The following CTAGE1 variants were observed in gnomAD, a reference collection of about 807,000 sequenced individuals.
CTAGE1 encodes the protein cutaneous T cell lymphoma-associated antigen 1.
For missense variants in CTAGE1, 963 were observed against 855.9 expected (o/e 1.13, Z -1.56); for synonymous variants, 332 against 302.8 (o/e 1.10, Z -1.00).
In CTAGE1 at chr18:22,416,326, G is replaced by T; in HGVS notation, c.1486C>A (p.Pro496Thr). 1 of 1,613,978 alleles carries T rather than the reference G, an allele frequency of 6.2e-7. No homozygotes were observed. Among genetic ancestry groups the T allele is most frequent in the Non-Finnish European group, 8.5e-7 (1 of 1,179,864 alleles). ...AGAGAAGCTCTCGTTTCAGATGAAG[G>T]CCAACCCAATGGTGAGGGACCATAT... The part of the protein sequence containing the change: ...SPYGPSPLGW[P>T]SSETRASLYP... Residue 496 changes from proline to threonine, a missense_variant, in exon 1 of 1, where the codon CCT (proline) becomes ACT (threonine). By Grantham distance (38) the Pro-to-Thr change is conservative. Transcript: ENST00000391403.
chr18:22,415,589 T>C lies in CTAGE1; in HGVS notation c.2223A>G (p.Pro741=). The change falls in exon 1 of 1, where the codon CCA becomes CCG. Residue 741 remains proline, a synonymous_variant. Transcript: ENST00000391403. ...CATTCTACCTTCAGAATGTGGGGGC[T>C]GGGGGGAAAAATGCAGGTCTTGGGG... The part of the protein sequence containing the change: ...YRPPRPAFFP[P]APTF 1 of 1,599,846 alleles carries C rather than the reference T, an allele frequency of 6.3e-7. No homozygotes were observed. The highest frequency in any genetic ancestry group is 8.5e-7 in the Non-Finnish European group (1 of 1,172,916).
At position 22,417,540 on chromosome 18, in the gene CTAGE1, G is replaced by T; in HGVS notation, c.272C>A (p.Ala91Glu). 1 of 1,613,916 alleles carries T rather than the reference G, an allele frequency of 6.2e-7. No individual in the cohort carries two copies. Among genetic ancestry groups the T allele is most frequent in the East Asian group, 2.2e-5 (1 of 44,886 alleles). The change falls in exon 1 of 1, where the codon GCA (alanine) becomes GAA (glutamate). Residue 91 changes from alanine to glutamate, a missense_variant. Physicochemically the swap from Ala to Glu is moderately radical, Grantham distance 107. Transcript: ENST00000391403. ...SLKNASFEKE[A>E]TEAQSLEATC... ...TGCCTCCAAACTTTGTGCTTCTGTT[G>T]CCTCCTTCTCAAAGCTGGCATTCTT...
rs199824409 is a variant in CTAGE1 at position 22,417,560 on chromosome 18, A to C, written c.252T>G (p.Asn84Lys). Residue 84 changes from asparagine to lysine, a missense_variant, in exon 1 of 1, where the codon AAT becomes AAG. By Grantham distance (94) the Asn-to-Lys change is moderately conservative (BLOSUM62 0). Transcript: ENST00000391403. ...EGYEVESSLK[N>K]ASFEKEATEA... is the part of the protein sequence containing the mutation. ...CTGTTGCCTCCTTCTCAAAGCTGGC[A>C]TTCTTTAAAGATGACTCTACTTCAT... is the stretch of plus-strand genomic sequence containing the variant. 6.2e-7 allele frequency: 1 copy of C among 1,613,992 alleles called. No individual in the cohort carries two copies. The highest frequency in any genetic ancestry group is 1.1e-5 in the South Asian group (1 of 91,072).
chr18:22,413,990 A>G lies in CTAGE1; in HGVS notation c.*1584T>C, dbSNP rs1052499802. 7 of 152,254 alleles carry G rather than the reference A, an allele frequency of 4.6e-5. No homozygotes were observed. The highest frequency in any genetic ancestry group is 1.7e-4 in the African/African-American group (7 of 41,464). The allele number at this position is 152,254 out of a possible 1,614,324, so 9.4% of individuals were successfully genotyped here. ...AGAAAGAGTTCTGTGGATATGATAC[A>G]TAGACAGAAATCCAGAAAAATCTCC... On this transcript the variant is annotated 3_prime_UTR_variant, in exon 1 of 1. Coordinates refer to ENST00000391403, the MANE Select transcript of CTAGE1 (RefSeq NM_172241.3).
chr18:22,416,104 G>A lies in CTAGE1; in HGVS notation c.1708C>T (p.Gln570Ter), dbSNP rs746815692. Reference protein sequence around the residue: ...DAGPLAPPWEQDYRMMFPPPG... With the variant: ...DAGPLAPPWE ...GGAGGAAACATCATCCTATAGTCCT[G>A]TTCCCACGGAGGTGCCAGGGGCCCA... The change falls in exon 1 of 1, where the codon CAG becomes TAG. Residue 570 changes from glutamine to a stop codon, truncating the protein, a stop_gained. Transcript: ENST00000391403. LOFTEE classifies it low-confidence loss of function (END_TRUNC). 6 of 1,613,956 alleles carry A rather than the reference G, an allele frequency of 3.7e-6. No homozygotes were observed. The highest frequency in any genetic ancestry group is 1.3e-5 in the African/African-American group (1 of 75,036).
rs372815739 is a variant in CTAGE1 at position 22,417,343 on chromosome 18, C to T, written c.469G>A (p.Val157Ile). Residue 157 changes from valine to isoleucine, a missense_variant, in exon 1 of 1, where the codon GTA (valine) becomes ATA (isoleucine). Val to Ile is a conservative substitution (Grantham distance 29). Coordinates refer to ENST00000391403, the MANE Select transcript of CTAGE1 (RefSeq NM_172241.3). ...EDESKSLKSQ[V>I]AEAKMTFKRF... ...TTGAAGGTCATTTTGGCTTCAGCTA[C>T]TTGTGATTTGAGGGATTTTGACTCA... 12 of 1,613,832 alleles carry T rather than the reference C, an allele frequency of 7.4e-6. No individual in the cohort carries two copies. Among genetic ancestry groups the T allele is most frequent in the Non-Finnish European group, 1.0e-5 (12 of 1,179,872 alleles).
rs1443707944 is a variant in CTAGE1, at chr18:22,416,696, T to C, written c.1116A>G (p.Val372=). 9 of 1,613,662 alleles carry C rather than the reference T, an allele frequency of 5.6e-6. No individual in the cohort carries two copies. The highest frequency in any genetic ancestry group is 2.2e-5 in the South Asian group (2 of 90,856). Residue 372 remains valine, a synonymous_variant, in exon 1 of 1, where the codon GTA becomes GTG. Coordinates refer to ENST00000391403, the MANE Select transcript of CTAGE1 (RefSeq NM_172241.3). ...CTTTCTCTAACCGGCATTTTTCCTCTACTATTAATTTCCTGTAGAGTTTCA... is the reference window on the plus strand; with the variant it reads ...CTTTCTCTAACCGGCATTTTTCCTCCACTATTAATTTCCTGTAGAGTTTCA... ...NEMKLYRKLI[V]EEKCRLEKEE...
In CTAGE1 at chr18:22,417,495, C is replaced by G; in HGVS notation, c.317G>C (p.Arg106Thr). ...TTCATGCACAAGTTCAGAATTGAAC[C>G]TGTTCAGCTTTTCGCAGGTTGCCTC... ...SLEATCEKLNRFNSELVHEIL... is the reference protein window; with the variant it reads ...SLEATCEKLNTFNSELVHEIL... The change falls in exon 1 of 1, where the codon AGG becomes ACG. Residue 106 changes from arginine to threonine, a missense_variant. Transcript: ENST00000391403. 4 of 1,613,986 alleles carry G rather than the reference C, an allele frequency of 2.5e-6. No homozygotes were observed. The highest frequency in any genetic ancestry group is 2.2e-5 in the East Asian group (1 of 44,888).
At position 22,414,686 on chromosome 18, in the gene CTAGE1, C is replaced by T. The variant is rs1354389847; in HGVS notation, c.*888G>A. 6 of 702,906 alleles carry T rather than the reference C, an allele frequency of 8.5e-6. No homozygotes were observed. Among genetic ancestry groups the T allele is most frequent in the Non-Finnish European group, 1.6e-5 (6 of 384,960 alleles). 43.5% of individuals were successfully genotyped at this position (702,906 alleles called of 1,614,324 possible). A position where few individuals can be genotyped will look rare whatever the true frequency, so the allele number is the denominator to read the frequency against. On this transcript the variant is annotated 3_prime_UTR_variant, in exon 1 of 1. Coordinates refer to ENST00000391403, the MANE Select transcript of CTAGE1 (RefSeq NM_172241.3). The stretch of plus-strand genomic sequence containing the variant: ...AGCAAGAGAAAAGCAGAACATAAAA[C>T]TAAAACTATTAGAACACCAACAGAG...
At position 22,417,343 on chromosome 18, in the gene CTAGE1, CTTGTGAT is replaced by C. The variant is rs1445896672; in HGVS notation, c.462_468del (p.Ser155Ter). ...TTGAAGGTCATTTTGGCTTCAGCTA[CTTGTGAT>C]TTGAGGGATTTTGACTCATCTTCTA... On this transcript the variant is annotated frameshift_variant, in exon 1 of 1. Coordinates refer to ENST00000391403, the MANE Select transcript of CTAGE1 (RefSeq NM_172241.3). LOFTEE classifies it low-confidence loss of function (END_TRUNC). 27 of 1,613,832 alleles carry C rather than the reference CTTGTGAT, an allele frequency of 1.7e-5. No individual in the cohort carries two copies. Among genetic ancestry groups the C allele is most frequent in the Non-Finnish European group, 2.1e-5 (25 of 1,179,872 alleles).
chr18:22,416,570 A>C lies in CTAGE1; in HGVS notation c.1242T>G (p.Thr414=). 1 of 1,610,244 alleles carries C rather than the reference A, an allele frequency of 6.2e-7. No homozygotes were observed. Among genetic ancestry groups the C allele is most frequent in the Non-Finnish European group, 8.5e-7 (1 of 1,179,274 alleles). The change falls in exon 1 of 1, where the codon ACT becomes ACG. Residue 414 remains threonine (T), a synonymous_variant. Coordinates refer to ENST00000391403, the MANE Select transcript of CTAGE1 (RefSeq NM_172241.3). ...RAKDLKEFEK[T]IHFYQKKIIL... Reference sequence around the variant, plus strand: ...TAATCTTCTTTTGATAAAAATGAATAGTTTTCTCAAATTCTTTAAGATCTT... The same window carrying C: ...TAATCTTCTTTTGATAAAAATGAATCGTTTTCTCAAATTCTTTAAGATCTT...
rs187253390 is a variant in CTAGE1 at position 22,417,283 on chromosome 18, C to G, written c.529G>C (p.Glu177Gln). The G allele has an allele frequency of 6.2e-7, 1 of 1,613,938 alleles. No homozygotes were observed. Among genetic ancestry groups the G allele is most frequent in the Non-Finnish European group, 8.5e-7 (1 of 1,179,854 alleles). Residue 177 changes from glutamate (E) to glutamine (Q), a missense_variant, in exon 1 of 1, where the codon GAA becomes CAA. Physicochemically the swap from Glu to Gln is conservative, Grantham distance 29 (BLOSUM62 2). Coordinates refer to ENST00000391403, the MANE Select transcript of CTAGE1 (RefSeq NM_172241.3). ...FQANEERLEI[E>Q]IQDAWKENSE... The stretch of plus-strand genomic sequence containing the variant: ...TTTTCTTTCCAAGCATCTTGTATTT[C>G]TATCTCCAACCGTTCTTCATTCGCT...
chr18:22,414,999 A>G lies in CTAGE1; in HGVS notation c.*575T>C, dbSNP rs1598489614. 1.7e-6 allele frequency: 1 copy of G among 575,332 alleles called. No homozygotes were observed. Among genetic ancestry groups the G allele is most frequent in the East Asian group, 2.8e-5 (1 of 35,534 alleles). 35.6% of individuals were successfully genotyped at this position (575,332 alleles called of 1,614,324 possible). On this transcript the variant is annotated 3_prime_UTR_variant, in exon 1 of 1. Transcript: ENST00000391403. ...ACTGAAAGAGGATATAAAATCTATA[A>G]GACAGGAGATCCAAGATCATCTTGG...
In CTAGE1 at chr18:22,415,866, A is replaced by C; in HGVS notation, c.1946T>G (p.Leu649Arg). ...GCCAGTTGCTTCATTTTCAGCGGGG[A>C]GAGATGAATCAGGCACCTTTAAATT... ...LGNLKVPDSS[L>R]PAENEATGPG... Residue 649 changes from leucine to arginine, a missense_variant, in exon 1 of 1, where the codon CTC becomes CGC. Transcript: ENST00000391403. The C allele has an allele frequency of 6.2e-7, 1 of 1,613,918 alleles. No individual in the cohort carries two copies.
In CTAGE1 at chr18:22,414,355, A is replaced by T; in HGVS notation, c.*1219T>A. The T allele has an allele frequency of 3.3e-6, 1 of 303,848 alleles. No individual in the cohort carries two copies. Among genetic ancestry groups the T allele is most frequent in the Non-Finnish European group, 6.1e-6 (1 of 165,090 alleles). The allele number at this position is 303,848 out of a possible 1,614,324, so 18.8% of individuals were successfully genotyped here. A position where few individuals can be genotyped will look rare whatever the true frequency, so the allele number is the denominator to read the frequency against. On this transcript the variant is annotated 3_prime_UTR_variant, in exon 1 of 1. Coordinates refer to ENST00000391403, the MANE Select transcript of CTAGE1 (RefSeq NM_172241.3). ...CCCCAGTGTACAATAAGGGCACCTC[A>T]TGTCTCAAATAGTTACTTTTCTTTT...
rs1598489746 is a variant in CTAGE1, at chr18:22,415,262, T to C, written c.*312A>G. The C allele has an allele frequency of 3.5e-6, 1 of 285,282 alleles. No individual in the cohort carries two copies. 17.7% of individuals were successfully genotyped at this position (285,282 alleles called of 1,614,324 possible). ...AAAGCTCCCACCATTCTTTATATAA[T>C]AGTGGATTAATCAAATTAAAAGTTA... is the stretch of plus-strand genomic sequence containing the variant. On this transcript the variant is annotated 3_prime_UTR_variant, in exon 1 of 1. Coordinates refer to ENST00000391403, the MANE Select transcript of CTAGE1 (RefSeq NM_172241.3).
chr18:22,417,828 G>A lies in CTAGE1; in HGVS notation c.-17C>T. On this transcript the variant is annotated 5_prime_UTR_variant, in exon 1 of 1. Coordinates refer to ENST00000391403, the MANE Select transcript of CTAGE1 (RefSeq NM_172241.3). ...GGGTCTCATACCTTCAGTCAGTGCT[G>A]CCACAACCCTGCGTAGCAACTCCAG... The A allele has an allele frequency of 6.2e-7, 1 of 1,613,524 alleles. No individual in the cohort carries two copies. Among genetic ancestry groups the A allele is most frequent in the Non-Finnish European group, 8.5e-7 (1 of 1,179,476 alleles).
chr18:22,416,341 A>C lies in CTAGE1; in HGVS notation c.1471T>G (p.Ser491Ala). ...TCAGATGAAGGCCAACCCAATGGTG[A>C]GGGACCATATGGGGAATGCTGTCTG... ...FGRQHSPYGP[S>A]PLGWPSSETR... The change falls in exon 1 of 1, where the codon TCA (serine) becomes GCA (alanine). Residue 491 changes from serine to alanine, a missense_variant. Ser to Ala is a moderately conservative substitution (Grantham distance 99). Transcript: ENST00000391403. The C allele has an allele frequency of 6.2e-7, 1 of 1,614,000 alleles. No individual in the cohort carries two copies. Among genetic ancestry groups the C allele is most frequent in the South Asian group, 1.1e-5 (1 of 91,070 alleles).
In CTAGE1 at chr18:22,415,230, C is replaced by T. The variant is rs2034995544; in HGVS notation, c.*344G>A. 1.6e-5 allele frequency: 4 copies of T among 243,302 alleles called. No individual in the cohort carries two copies. The highest frequency in any genetic ancestry group is 3.1e-5 in the Non-Finnish European group (4 of 128,310). 15.1% of individuals were successfully genotyped at this position (243,302 alleles called of 1,614,324 possible). ...TAAAGCCTCCCCACCTGCAAGATTACATATATAAAGCTCCCACCATTCTTT... is the reference window on the plus strand; with the variant it reads ...TAAAGCCTCCCCACCTGCAAGATTATATATATAAAGCTCCCACCATTCTTT... On this transcript the variant is annotated 3_prime_UTR_variant, in exon 1 of 1. Transcript: ENST00000391403.
Sources: allele counts gnomAD v4.1 joint callset, GRCh38; gene constraint gnomAD v4.1.1; transcripts MANE v1.5; gene names NCBI Gene and HGNC (gene_info 2026-07-23, HGNC 2026-07-21).